Variants in USP28 observed in about 807,000 individuals in gnomAD.
USP28 encodes ubiquitin carboxyl-terminal hydrolase 28.
A neutral mutation model predicts 145.0 loss-of-function variants in USP28; 113 were observed. That is an observed-to-expected ratio of 0.78 (90% CI 0.67 to 0.91). The LOEUF (loss-of-function observed/expected upper bound fraction) is 0.91. Ranked by LOEUF, USP28 falls within the 40% of genes least tolerant of loss-of-function variation. USP28 has a pLI of 0.00. For synonymous variants in USP28, 447 were observed against 450.9 expected (o/e 0.99, Z 0.11); for missense variants, 1,201 against 1,289.6 (o/e 0.93, Z 1.05).
chr11:113,864,170 G>C (rs1948032782), intron 1 of USP28, among the ~76,000 whole-genome samples: 1 of 152,022 alleles, frequency 6.6e-6, no homozygotes, highest in South Asian at 2.1e-4. Context: ...GAACTCCAGA[G>C]GTGGAGGCTG....
chr11:113,818,897 A>G (rs1002266924), intron 12 of USP28, among the ~76,000 whole-genome samples: 1 of 150,802 alleles, frequency 6.6e-6, no homozygotes, highest in African/African-American at 2.4e-5. Flanking sequence ...AAAAAAAAAC[A>G]AAGAAGACAA....
chr11:113,829,637 A>G (rs1392420049), intron 9 of USP28, among the ~76,000 whole-genome samples: 1 of 152,104 alleles, frequency 6.6e-6, no homozygotes, highest in African/African-American at 2.4e-5. Context: ...ACCAGCCTGG[A>G]AAACACAGTG....
At chr11:113,845,731 C>T (rs1004362760) in intron 3 of USP28, among the ~76,000 whole-genome samples, 1 of 152,152 alleles carries the variant, frequency 6.6e-6, no homozygotes, top group African/African-American at 2.4e-5. Context: ...TACACCATCA[C>T]ACCTGGCTAA....
intron 1 of USP28, among the ~76,000 whole-genome samples, chr11:113,873,396 A>AGTG: frequency 6.6e-6 from 1 of 152,342 alleles, no homozygotes; most frequent in South Asian, 2.1e-4. Flanking sequence ...GGAGTACTCC[A>AGTG]GCCAGCCACA....
chr11:113,830,848 T>A lies in USP28; in HGVS notation c.910+19A>T. 6.2e-7 allele frequency: 1 copy of A among 1,611,522 alleles called. No individual in the cohort carries two copies. The highest frequency in any genetic ancestry group is 8.5e-7 in the Non-Finnish European group (1 of 1,177,866). On this transcript the variant is annotated intron_variant, in intron 9 of 24. Coordinates refer to ENST00000003302, the Ensembl canonical transcript of USP28. ...TATGATCAAAGGTCTAGAATTAAAATTCAGAGCAGAGAATTTACCTTCACG... is the reference window on the plus strand; with the variant it reads ...TATGATCAAAGGTCTAGAATTAAAAATCAGAGCAGAGAATTTACCTTCACG...
At chr11:113,798,260 C>T (rs562232646) in exon 25 of USP28, 1 of 152,050 alleles carries the variant, frequency 6.6e-6, no homozygotes, top group South Asian at 2.1e-4. Context: ...ATTAAAAATA[C>T]AAAAATTAGC....
intron 24 of USP28, among the ~76,000 whole-genome samples, chr11:113,801,050 C>T (rs1025785175): frequency 3.9e-5 from 6 of 152,072 alleles, no homozygotes; most frequent in Non-Finnish European, 7.4e-5. Context: ...GCCTTGTTGG[C>T]CAGACTTGGT....
At chr11:113,828,969 G>C in intron 10 of USP28, 2 of 674,274 alleles carry the variant, frequency 3.0e-6, no homozygotes, top group Non-Finnish European at 5.4e-6. Context: ...ATCAGAAGCA[G>C]CATACAACCT....
At chr11:113,830,812 A>G in intron 9 of USP28, 55 bp downstream of exon 9, 2 of 1,553,046 alleles carry the variant, frequency 1.3e-6, no homozygotes, top group Non-Finnish European at 8.9e-7. Flanking sequence ...AAAGGGACAC[A>G]GTAATAAAGA....
chr11:113,808,542 A>T, intron 17 of USP28, 105 bp from the exon 18 acceptor site: 1 of 1,233,726 alleles, frequency 8.1e-7, no homozygotes, highest in Non-Finnish European at 1.1e-6. Context: ...CAACCCTGTT[A>T]ACACAGCTTT....
At chr11:113,812,546 G>A in intron 15 of USP28, 42 bp from the exon 16 acceptor site, 1 of 1,556,026 alleles carries the variant, frequency 6.4e-7, no homozygotes, top group Non-Finnish European at 8.8e-7. Context: ...GTGAAGCAAA[G>A]TAATCTGATA....
chr11:113,858,928 A>G (rs2136713328), intron 1 of USP28, among the ~76,000 whole-genome samples: 1 of 152,358 alleles, frequency 6.6e-6, no homozygotes, highest in South Asian at 2.1e-4. Context: ...ATTGTTTTAA[A>G]TATGAAATTC....
At chr11:113,836,265 C>T (rs1301737732) in intron 5 of USP28, among the ~76,000 whole-genome samples, 1 of 152,122 alleles carries the variant, frequency 6.6e-6, no homozygotes, top group African/African-American at 2.4e-5. Context: ...TCTTTCTCCT[C>T]GCCATTCACA....
chr11:113,841,910 T>G, intron 3 of USP28, 142 bp from the exon 4 acceptor site: 1 of 469,122 alleles, frequency 2.1e-6, no homozygotes, highest in East Asian at 3.4e-5. Context: ...CCCTACTGCA[T>G]AGTCAAATGA....
exon 21 of USP28, chr11:113,804,674 T>A: frequency 6.2e-7 from 1 of 1,613,846 alleles, no homozygotes; most frequent in Non-Finnish European, 8.5e-7. Context: ...ACACTTTACC[T>A]TGTACTCTTC....
At chr11:113,845,633 G>T (rs1359883517) in intron 3 of USP28, among the ~76,000 whole-genome samples, 2 of 152,114 alleles carry the variant, frequency 1.3e-5, no homozygotes, top group Non-Finnish European at 2.9e-5. Context: ...GAGGGCAGTA[G>T]GTACAATCTC....
At position 113,803,148 on chromosome 11, in the gene USP28, C is replaced by T. The variant is rs1565319650; in HGVS notation, c.2862+10G>A. The T allele has an allele frequency of 1.2e-6, 2 of 1,607,208 alleles. No homozygotes were observed. Among genetic ancestry groups the T allele is most frequent in the East Asian group, 2.2e-5 (1 of 44,716 alleles). The stretch of plus-strand genomic sequence containing the variant: ...CAAAAAAACCTTAAGGCTTTACAAA[C>T]AGTACAAACCAGAAGGCATTTTCTT... On this transcript the variant is annotated intron_variant, in intron 23 of 24. Transcript: ENST00000003302.
exon 10 of USP28, chr11:113,829,295 T>C: frequency 6.2e-7 from 1 of 1,614,128 alleles, no homozygotes; most frequent in Non-Finnish European, 8.5e-7. Flanking sequence ...CGATAACCGT[T>C]TACCTGAAGA....
intron 5 of USP28, among the ~76,000 whole-genome samples, chr11:113,836,166 G>T (rs1273372607): frequency 6.6e-6 from 1 of 152,062 alleles, no homozygotes; most frequent in South Asian, 2.1e-4. Flanking sequence ...TTACCCAACC[G>T]CTGCTGCTTC....
Sources: allele counts gnomAD v4.1 joint callset (sites outside exome capture counted in the v4.1 genomes callset), GRCh38; gene constraint gnomAD v4.1.1; transcripts MANE v1.5; gene names NCBI Gene and HGNC (gene_info 2026-07-23, HGNC 2026-07-21).